The following UBE2E1 variants were observed in gnomAD, a reference collection of about 807,000 sequenced individuals.
UBE2E1 encodes the protein ubiquitin-conjugating enzyme E2 E1.
A neutral mutation model predicts 21.4 loss-of-function variants in UBE2E1; 6 were observed. That is an observed-to-expected ratio of 0.28 (90% CI 0.15 to 0.55). UBE2E1 has a LOEUF of 0.55. Among genes scored for constraint, UBE2E1 ranks in the 20% least tolerant of loss-of-function variants. The pLI, the probability that UBE2E1 is intolerant of heterozygous loss-of-function variation, is 0.93. For synonymous variants in UBE2E1, 87 were observed against 82.7 expected (o/e 1.05, Z -0.28); for missense variants, 142 against 236.5 (o/e 0.60, Z 2.62).
intron 3 of UBE2E1, among the ~76,000 whole-genome samples, chr3:23,864,369 G>A (rs993136160): frequency 2.0e-5 from 3 of 151,782 alleles, no homozygotes; most frequent in Admixed American, 1.3e-4. Context: ...AAGTTATTTT[G>A]GACCTCCTCT....
chr3:23,842,250 G>GTGTGTGTGGTGT lies in UBE2E1; in HGVS notation c.203+30743_203+30744insGTGTGGTGTTGT, dbSNP rs1553637746. 0.025 allele frequency among the ~76,000 whole-genome samples: 2,179 copies of GTGTGTGTGGTGT among 85,860 alleles called. 39 individuals carry two copies. The highest frequency in any genetic ancestry group is 0.03 in the Non-Finnish European group (1,286 of 42,996). The allele number at this position is 85,860 out of a possible 152,430, so 56.3% of individuals were successfully genotyped here. On this transcript the variant is annotated intron_variant, in intron 3 of 5. Transcript: ENST00000306627. The surrounding 1 kb of genome is among the most constrained non-coding windows in gnomAD (Gnocchi z 4.6). ...GTGTGTGTGTGTGTGTGTGTGTGTG[G>GTGTGTGTGGTGT]TGTTGTTGTTGTTGGCGACAGGGTC...
intron 2 of UBE2E1, 146 bp downstream of exon 2, chr3:23,807,567 A>G: frequency 1.0e-6 from 1 of 1,002,738 alleles, no homozygotes; most frequent in Non-Finnish European, 1.4e-6. Flanking sequence ...GGAAGCCCTA[A>G]TTATTTTCTC....
At chr3:23,839,058 A>T (rs1456320664) in intron 3 of UBE2E1, among the ~76,000 whole-genome samples, 1 of 151,946 alleles carries the variant, frequency 6.6e-6, no homozygotes. Flanking sequence ...CCCCTCAACA[A>T]TCCCTCTCCC....
intron 5 of UBE2E1, 175 bp downstream of exon 5, chr3:23,889,434 A>G: frequency 6.9e-7 from 1 of 1,459,632 alleles, no homozygotes; most frequent in South Asian, 1.4e-5. Context: ...GAGACACACA[A>G]CTTCATTAAT....
intron 3 of UBE2E1, among the ~76,000 whole-genome samples, chr3:23,846,698 C>CCA (rs1553638100): frequency 1.1e-5 from 1 of 89,852 alleles, no homozygotes; most frequent in Admixed American, 1.4e-4. Context: ...TCCATCTCAT[C>CCA]AAAAAAAAAA....
intron 3 of UBE2E1, among the ~76,000 whole-genome samples, chr3:23,854,371 C>G (rs1006372850): frequency 1.3e-5 from 2 of 151,992 alleles, no homozygotes; most frequent in African/African-American, 4.8e-5. Flanking sequence ...TAAAGCTTAC[C>G]TCTTTTCCTG....
At chr3:23,886,457 AT>A (rs1701185917) in intron 3 of UBE2E1, among the ~76,000 whole-genome samples, 1 of 151,810 alleles carries the variant, frequency 6.6e-6, no homozygotes, top group South Asian at 2.1e-4. Context: ...GGTTGCCCAT[AT>A]TTTCTCCCTC....
intron 2 of UBE2E1, 113 bp from the exon 3 acceptor site, chr3:23,811,347 A>G: frequency 4.1e-6 from 4 of 976,662 alleles, no homozygotes; most frequent in South Asian, 1.3e-5. Context: ...CTCTTTGCCC[A>G]GTAGAATCCA....
rs139951452 is a variant in UBE2E1, at chr3:23,870,682, A to ATTTTAT, written c.204-16881_204-16876dup. On this transcript the variant is annotated intron_variant, in intron 3 of 5. Transcript: ENST00000306627. The surrounding 1 kb of genome is among the most constrained non-coding windows in gnomAD (Gnocchi z 4.2). ...AGTTCCTATTTAAAATTCTTTTTTT[A>ATTTTAT]TTTTATTTTATTTTATTGATCATTC... is the stretch of plus-strand genomic sequence containing the variant. Among the ~76,000 whole-genome samples the ATTTTAT allele has an allele frequency of 0.77, 116,609 of 151,264 alleles. 45,522 individuals are homozygous for ATTTTAT. The highest frequency in any genetic ancestry group is 0.84 in the African/African-American group (34,769 of 41,234).
chr3:23,814,640 T>C (rs982977971), intron 3 of UBE2E1, among the ~76,000 whole-genome samples: 1 of 152,214 alleles, frequency 6.6e-6, no homozygotes, highest in Non-Finnish European at 1.5e-5. Flanking sequence ...GCGTGCCAGA[T>C]CTTAGATTGT....
At chr3:23,881,461 G>A (rs1701038646) in intron 3 of UBE2E1, among the ~76,000 whole-genome samples, 1 of 152,174 alleles carries the variant, frequency 6.6e-6, no homozygotes, top group Admixed American at 6.6e-5. Flanking sequence ...CTCATGCAGA[G>A]GTTCTAATCA....
chr3:23,867,609 G>A (rs1396062183), intron 3 of UBE2E1, among the ~76,000 whole-genome samples: 3 of 152,066 alleles, frequency 2.0e-5, no homozygotes, highest in African/African-American at 4.8e-5. Flanking sequence ...TGGGCTCTCC[G>A]GTCCCCCTGT....
rs188504974 is a variant in UBE2E1, at chr3:23,807,511, A to G, written c.152+90A>G. The G allele has an allele frequency of 6.2e-3, 9,307 of 1,497,618 alleles. 40 individuals are homozygous for G. Among genetic ancestry groups the G allele is most frequent in the Non-Finnish European group, 7.3e-3 (8,164 of 1,110,768 alleles). The allele number at this position is 1,497,618 out of a possible 1,614,324, so 92.8% of individuals were successfully genotyped here. A position where few individuals can be genotyped will look rare whatever the true frequency, so the allele number is the denominator to read the frequency against. On this transcript the variant is annotated intron_variant, in intron 2 of 5. Transcript: ENST00000306627. ...CTGCCTCCCAATGAGGATAGCTTAAACGCTCCTCATGGTTTATGTGTTCTT... is the reference window on the plus strand; with the variant it reads ...CTGCCTCCCAATGAGGATAGCTTAAGCGCTCCTCATGGTTTATGTGTTCTT...
intron 3 of UBE2E1, among the ~76,000 whole-genome samples, chr3:23,884,693 T>C (rs1701137037): frequency 1.3e-5 from 2 of 152,166 alleles, no homozygotes; most frequent in South Asian, 4.1e-4. Context: ...TCTAGGTTGG[T>C]TTCTTAGCAC....
intron 3 of UBE2E1, among the ~76,000 whole-genome samples, chr3:23,881,708 GA>G (rs1427583665): frequency 2.0e-5 from 3 of 152,184 alleles, no homozygotes; most frequent in African/African-American, 7.2e-5. Flanking sequence ...ATTGTGTCCG[GA>G]ATTGGTGGGT....
chr3:23,820,318 T>C (rs1699619861), intron 3 of UBE2E1, among the ~76,000 whole-genome samples: 1 of 152,184 alleles, frequency 6.6e-6, no homozygotes, highest in South Asian at 2.1e-4. Context: ...AGTCCCTGCT[T>C]GAGAACCGTA....
At chr3:23,819,879 T>C (rs570207136) in intron 3 of UBE2E1, among the ~76,000 whole-genome samples, 1 of 152,288 alleles carries the variant, frequency 6.6e-6, no homozygotes, top group South Asian at 2.1e-4. Flanking sequence ...AAAAGATGTA[T>C]TGGAGAAAAT....
intron 3 of UBE2E1, among the ~76,000 whole-genome samples, chr3:23,856,969 C>T (rs751343997): frequency 4.1e-5 from 6 of 146,362 alleles, no homozygotes; most frequent in South Asian, 2.2e-4. Context: ...CAACACTGCA[C>T]TCGGCCTGGG....
chr3:23,813,419 TC>T (rs1198767963), intron 3 of UBE2E1, among the ~76,000 whole-genome samples: 1 of 152,192 alleles, frequency 6.6e-6, no homozygotes, highest in East Asian at 1.9e-4. Flanking sequence ...TATATAGTAG[TC>T]CCAATATTCA....
Sources: allele counts gnomAD v4.1 joint callset (sites outside exome capture counted in the v4.1 genomes callset), GRCh38; gene constraint gnomAD v4.1.1; non-coding constraint Gnocchi (gnomAD v3.1); transcripts MANE v1.5; gene names NCBI Gene and HGNC (gene_info 2026-07-23, HGNC 2026-07-21).